The following ROBO2 variants were observed in gnomAD, a reference collection of about 807,000 sequenced individuals.
ROBO2 encodes the protein roundabout guidance receptor 2.
A neutral mutation model predicts 160.8 loss-of-function variants in ROBO2; 53 were observed. The observed-to-expected ratio is 0.33, with a 90% confidence interval of 0.26 to 0.41. The LOEUF (loss-of-function observed/expected upper bound fraction) is 0.41. ROBO2 is among the 10% of genes least tolerant of loss of function. The pLI, the probability that ROBO2 is intolerant of heterozygous loss-of-function variation, is 1.00. For synonymous variants in ROBO2, 664 were observed against 611.7 expected (o/e 1.09, Z -1.26); for missense variants, 1,577 against 1,722.4 (o/e 0.92, Z 1.49).
chr3:77,497,086 T>C (rs1442243196), intron 5 of ROBO2, among the ~76,000 whole-genome samples: 2 of 152,090 alleles, frequency 1.3e-5, no homozygotes, highest in African/African-American at 4.8e-5. Flanking sequence ...ATGTGGACAT[T>C]TTCCATGCGA....
At chr3:77,404,117 T>C (rs761441638) in intron 2 of ROBO2, among the ~76,000 whole-genome samples, 18 of 152,180 alleles carry the variant, frequency 1.2e-4, no homozygotes, top group Non-Finnish European at 2.4e-4. Context: ...TGACAGTCTC[T>C]ATATATAATA....
chr3:77,097,299 A>AT (rs940120302), intron 1 of ROBO2, among the ~76,000 whole-genome samples: 87 of 151,828 alleles, frequency 5.7e-4, no homozygotes, highest in Admixed American at 1.4e-3. Context: ...TCTAAATGTA[A>AT]TTTTTTTCGG....
intron 2 of ROBO2, among the ~76,000 whole-genome samples, chr3:77,111,768 T>C (rs1193451594): frequency 1.3e-5 from 2 of 152,170 alleles, no homozygotes; most frequent in African/African-American, 4.8e-5. Flanking sequence ...TAGAGTGCAT[T>C]ATGGAGCTGG....
chr3:76,777,628 C>T (rs1159237550), intron 2 of ROBO2, among the ~76,000 whole-genome samples: 7 of 150,550 alleles, frequency 4.6e-5, no homozygotes, highest in Non-Finnish European at 8.9e-5. Flanking sequence ...TTGTTAGTGA[C>T]GTTCCTTATA....
chr3:76,771,775 T>G (rs2061921832), intron 2 of ROBO2, among the ~76,000 whole-genome samples: 1 of 151,072 alleles, frequency 6.6e-6, no homozygotes, highest in Admixed American at 6.6e-5. Flanking sequence ...GAAAATACTA[T>G]AAAAATAAAT....
At chr3:77,491,683 T>G (rs540725235) in intron 4 of ROBO2, among the ~76,000 whole-genome samples, 36 of 152,352 alleles carry the variant, frequency 2.4e-4, no homozygotes, top group South Asian at 1.0e-3. Flanking sequence ...AATCTTTAGA[T>G]GCAACCGTGT....
intron 2 of ROBO2, among the ~76,000 whole-genome samples, chr3:76,534,567 C>T (rs961559121): frequency 1.3e-5 from 2 of 152,078 alleles, no homozygotes; most frequent in Non-Finnish European, 2.9e-5. Flanking sequence ...ATCTTTGTCT[C>T]CTGGATTAAG....
At chr3:76,839,498 C>T (rs778848139) in intron 2 of ROBO2, among the ~76,000 whole-genome samples, 13 of 152,156 alleles carry the variant, frequency 8.5e-5, no homozygotes, top group Non-Finnish European at 1.3e-4. Context: ...ACCATCCTTG[C>T]ATCCCAGAGA....
rs536355357 is a variant in ROBO2, at chr3:76,581,740, C to T, written c.110-516274C>T. On this transcript the variant is annotated intron_variant, in intron 2 of 26. Coordinates refer to the ROBO2 transcript ENST00000487694. Reference sequence around the variant, plus strand: ...TTGTTTTAAATTTAAGGAGTTTAATCTTAATTCATGCACAATACAAAGTCA... The same window carrying T: ...TTGTTTTAAATTTAAGGAGTTTAATTTTAATTCATGCACAATACAAAGTCA... 1.4e-4 allele frequency among the ~76,000 whole-genome samples: 21 copies of T among 152,184 alleles called. No individual in the cohort carries two copies. In the East Asian group the frequency reaches 4.1e-3, roughly 30 times the overall value.
intron 4 of ROBO2, among the ~76,000 whole-genome samples, chr3:77,492,306 A>G (rs958024489): frequency 6.6e-6 from 1 of 152,210 alleles, no homozygotes; most frequent in Non-Finnish European, 1.5e-5. Flanking sequence ...CCAAAAGGGA[A>G]GAAACTGGAC....
intron 2 of ROBO2, among the ~76,000 whole-genome samples, chr3:76,696,029 C>T (rs2092919551): frequency 6.6e-6 from 1 of 152,132 alleles, no homozygotes; most frequent in Non-Finnish European, 1.5e-5. Context: ...AATGGGTGAA[C>T]TGTAGTTTTT....
At chr3:77,372,214 A>G (rs931765176) in intron 2 of ROBO2, among the ~76,000 whole-genome samples, 3 of 152,088 alleles carry the variant, frequency 2.0e-5, no homozygotes, top group Middle Eastern at 3.2e-3. Context: ...AGGGAGCAAG[A>G]AAAGAAAAAG....
chr3:76,429,946 A>T (rs199930259), intron 2 of ROBO2, among the ~76,000 whole-genome samples: 2 of 152,106 alleles, frequency 1.3e-5, no homozygotes, highest in East Asian at 3.9e-4. Context: ...CAATCAAAGG[A>T]ACAAACAGCA....
At chr3:76,396,271 A>C (rs1177932163) in intron 2 of ROBO2, among the ~76,000 whole-genome samples, 1 of 152,194 alleles carries the variant, frequency 6.6e-6, no homozygotes, top group Non-Finnish European at 1.5e-5. Flanking sequence ...AAAATTCAAC[A>C]GCCCCTCATG....
intron 2 of ROBO2, among the ~76,000 whole-genome samples, chr3:76,268,789 T>C (rs962144806): frequency 6.6e-6 from 1 of 152,136 alleles, no homozygotes; most frequent in Admixed American, 6.6e-5. Flanking sequence ...AAATTGGAAG[T>C]TGACTGCCTC....
At chr3:76,634,603 G>A (rs1316269528) in intron 2 of ROBO2, among the ~76,000 whole-genome samples, 3 of 150,908 alleles carry the variant, frequency 2.0e-5, no homozygotes, top group Admixed American at 6.6e-5. Context: ...CAGTCAGATT[G>A]AATTAAGGAC....
At chr3:76,166,075 G>A (rs1199075845) in intron 2 of ROBO2, among the ~76,000 whole-genome samples, 1 of 151,790 alleles carries the variant, frequency 6.6e-6, no homozygotes, top group African/African-American at 2.4e-5. Context: ...CCCAAAATGT[G>A]GCAAGAGACA....
intron 6 of ROBO2, among the ~76,000 whole-genome samples, chr3:77,534,215 A>G (rs2091942555): frequency 6.6e-6 from 1 of 152,130 alleles, no homozygotes; most frequent in African/African-American, 2.4e-5. Flanking sequence ...GTTGTACTCA[A>G]TACAGGAAAG....
intron 17 of ROBO2, among the ~76,000 whole-genome samples, chr3:77,593,927 C>T (rs1049582377): frequency 9.2e-5 from 14 of 152,178 alleles, no homozygotes. Flanking sequence ...ATATAATCAA[C>T]CCCTTCCAAA....
Sources: gnomAD v4.1 joint callset for allele counts (sites outside exome capture counted in the v4.1 genomes callset) on GRCh38, gnomAD v4.1.1 for gene constraint, MANE v1.5 for transcripts, NCBI Gene and HGNC (gene_info 2026-07-23, HGNC 2026-07-21) for gene names.